The following ZRANB1 variants were observed in gnomAD, a reference collection of about 807,000 sequenced individuals.
ZRANB1 encodes the protein ubiquitin thioesterase ZRANB1.
In ZRANB1, 16 loss-of-function variants were observed where a neutral mutation model predicts 80.5. That is an observed-to-expected ratio of 0.20 (90% CI 0.13 to 0.30). The LOEUF is 0.30. Among genes scored for constraint, ZRANB1 ranks in the 10% least tolerant of loss-of-function variants. The pLI is 1.00. For synonymous variants in ZRANB1, 291 were observed against 293.1 expected (o/e 0.99, Z 0.07); for missense variants, 576 against 862.6 (o/e 0.67, Z 4.16).
At chr10:124,977,077 T>A (rs1375799482) in intron 5 of ZRANB1, among the ~76,000 whole-genome samples, 1 of 152,016 alleles carries the variant, frequency 6.6e-6, no homozygotes, top group Admixed American at 6.5e-5. Flanking sequence ...CAGGTGATCC[T>A]CCCACCTCAG....
At position 124,943,083 on chromosome 10, in the gene ZRANB1, A is replaced by C. The variant is rs773758031; in HGVS notation, c.590A>C (p.Glu197Ala). 1 of 1,614,218 alleles carries C rather than the reference A, an allele frequency of 6.2e-7. No individual in the cohort carries two copies. The highest frequency in any genetic ancestry group is 8.5e-7 in the Non-Finnish European group (1 of 1,180,038). The change falls in exon 1 of 9, where the codon GAG becomes GCG. Residue 197 changes from glutamate (E) to alanine (A), a missense_variant. By Grantham distance (107) the Glu-to-Ala change is moderately radical. Coordinates refer to ENST00000359653, the MANE Select transcript of ZRANB1 (RefSeq NM_017580.3). ...GAAGAGGCTTCTTCAATAATAAATG[A>C]GCAAGACAGAGCTCGATGGAGGGGA... ...ETEEASSIIN[E>A]QDRARWRGSC...
At chr10:124,966,061 A>G (rs180767307) in intron 1 of ZRANB1, among the ~76,000 whole-genome samples, 232 of 152,322 alleles carry the variant, frequency 1.5e-3, no homozygotes, top group Non-Finnish European at 2.5e-3. Context: ...AATGTTGCCA[A>G]CGTTTACTTA....
rs1029110515 is a variant in ZRANB1, at chr10:124,954,529, C to T, written c.814+11222C>T. Among the ~76,000 whole-genome samples the T allele has an allele frequency of 2.7e-5, 4 of 148,410 alleles. No individual in the cohort carries two copies. The South Asian group carries it at 6.4e-4, about 24-fold the overall frequency. On this transcript the variant is annotated intron_variant, in intron 1 of 8. Transcript: ENST00000359653. Reference sequence around the variant, plus strand: ...GTGGTGTAACCTCAGCTCACTGCAACCTCTACCTTCTGGGTTCACACAATC... The same window carrying T: ...GTGGTGTAACCTCAGCTCACTGCAATCTCTACCTTCTGGGTTCACACAATC...
chr10:124,983,163 T>C lies in ZRANB1; in HGVS notation c.1549-12T>C, dbSNP rs753452984. 24 of 1,597,892 alleles carry C rather than the reference T, an allele frequency of 1.5e-5. 2 individuals are homozygous for C. The highest frequency in any genetic ancestry group is 1.1e-4 in the Admixed American group (6 of 55,980). ...TAATAAATGTTTTAAGTTTTTGTTTTGTTTCGTACAGCCTGGAGCAAGCTT... is the reference window on the plus strand; with the variant it reads ...TAATAAATGTTTTAAGTTTTTGTTTCGTTTCGTACAGCCTGGAGCAAGCTT... On this transcript the variant is annotated splice_polypyrimidine_tract_variant and intron_variant, in intron 6 of 8. Transcript: ENST00000359653. The surrounding 1 kb of genome is among the most constrained non-coding windows in gnomAD (Gnocchi z 6.2).
Position 124,981,739 on chromosome 10 carries a change from A to C in ZRANB1, c.1458A>C (p.Ser486=), listed in dbSNP as rs748611185. 2 of 1,613,512 alleles carry C rather than the reference A, an allele frequency of 1.2e-6. No homozygotes were observed. The highest frequency in any genetic ancestry group is 2.7e-5 in the African/African-American group (2 of 74,898). Residue 486 remains serine (S), a synonymous_variant, in exon 6 of 9, where the codon TCA becomes TCC. Coordinates refer to ENST00000359653, the MANE Select transcript of ZRANB1 (RefSeq NM_017580.3). ...ACACACGCTGGAAAGATTGGGAATC[A>C]TGGTATTCTCAGAGCTTTGGTTTAC... ...WFYTRWKDWE[S]WYSQSFGLHF...
chr10:124,952,613 TC>T (rs1426237665), intron 1 of ZRANB1, among the ~76,000 whole-genome samples: 1 of 149,560 alleles, frequency 6.7e-6, no homozygotes, highest in Non-Finnish European at 1.5e-5. Context: ...ACAAATAATA[TC>T]TTTTTTTTTT....
rs199610087 is a variant in ZRANB1, at chr10:124,981,651, T to TA, written c.1428-55dup. The TA allele has an allele frequency of 1.5e-3, 2,226 of 1,442,192 alleles. 21 individuals carry two copies. In the African/African-American group the frequency reaches 0.02, roughly 13 times the overall value. 89.3% of individuals were successfully genotyped at this position (1,442,192 alleles called of 1,614,324 possible). On this transcript the variant is annotated intron_variant, in intron 5 of 8. Coordinates refer to ENST00000359653, the MANE Select transcript of ZRANB1 (RefSeq NM_017580.3). ...CATTAAATAAAAATGATCAGAACTT[T>TA]AAATGTTTTATTTATAGAAGACTAT...
intron 1 of ZRANB1, among the ~76,000 whole-genome samples, chr10:124,944,465 A>G (rs961012240): frequency 1.3e-4 from 19 of 150,238 alleles, no homozygotes; most frequent in African/African-American, 4.7e-4. Flanking sequence ...GAGTTTTAAA[A>G]TTAAATTATA....
chr10:124,926,567 T>A, the ZRANB1 span, among the ~76,000 whole-genome samples: 1 of 152,206 alleles, frequency 6.6e-6, no homozygotes, highest in Non-Finnish European at 1.5e-5. Context: ...TCATCTGTGA[T>A]AACAATGCCT....
the ZRANB1 span, among the ~76,000 whole-genome samples, chr10:124,919,778 AT>A: frequency 6.8e-6 from 1 of 148,016 alleles, no homozygotes. Flanking sequence ...CGCCCGGCTA[AT>A]TTTTTGTATT....
chr10:124,953,571 A>G (rs1262160447), intron 1 of ZRANB1, among the ~76,000 whole-genome samples: 1 of 152,136 alleles, frequency 6.6e-6, no homozygotes, highest in African/African-American at 2.4e-5. Flanking sequence ...ACAGCATTCC[A>G]TGGTTAGGTT....
the ZRANB1 span, among the ~76,000 whole-genome samples, chr10:124,919,712 C>T: frequency 2.0e-5 from 3 of 149,358 alleles, no homozygotes; most frequent in Admixed American, 2.0e-4. Flanking sequence ...TCCGTGTTCA[C>T]GCCATTCTCC....
intron 2 of ZRANB1, among the ~76,000 whole-genome samples, 181 bp from the exon 3 acceptor site, chr10:124,971,784 C>T (rs1389584799): frequency 6.6e-6 from 1 of 152,130 alleles, no homozygotes; most frequent in Admixed American, 6.6e-5. Flanking sequence ...ATTTTTGTGA[C>T]TGTTACTGAA....
intron 6 of ZRANB1, among the ~76,000 whole-genome samples, chr10:124,982,599 A>C (rs900243248): frequency 1.3e-5 from 2 of 152,022 alleles, no homozygotes; most frequent in African/African-American, 4.8e-5. Flanking sequence ...TTTTGCAGAA[A>C]GCACCATGGT....
chr10:124,922,307 ATATATATG>A, the ZRANB1 span, among the ~76,000 whole-genome samples: 2 of 103,492 alleles, frequency 1.9e-5, no homozygotes, highest in African/African-American at 3.3e-5. Flanking sequence ...TAAAATATAT[ATATATATG>A]TAAAATATAT....
At chr10:124,927,185 G>A in the ZRANB1 span, among the ~76,000 whole-genome samples, 1 of 152,166 alleles carries the variant, frequency 6.6e-6, no homozygotes, top group African/African-American at 2.4e-5. Flanking sequence ...TCGATCTCCT[G>A]ATCTCGTGAT....
At chr10:124,952,671 C>T (rs913844508) in intron 1 of ZRANB1, among the ~76,000 whole-genome samples, 4 of 151,778 alleles carry the variant, frequency 2.6e-5, no homozygotes, top group Admixed American at 6.6e-5. Flanking sequence ...AGTGTAATGG[C>T]GTGGTCTTGG....
intron 1 of ZRANB1, among the ~76,000 whole-genome samples, chr10:124,963,554 GTTTTTTTTTTTTTTTT>G (rs760813299): frequency 1.3e-3 from 76 of 57,540 alleles, no homozygotes; most frequent in African/African-American, 4.6e-3. Flanking sequence ...TTTTTTGTTT[GTTTTTTTTTTTTTTTT>G]TTTTTTTGGG....
intron 5 of ZRANB1, among the ~76,000 whole-genome samples, chr10:124,978,205 A>G (rs866865530): frequency 6.6e-6 from 1 of 152,342 alleles, no homozygotes; most frequent in Middle Eastern, 3.4e-3. Context: ...TGGGCCTGTC[A>G]TGTGACCAGT....
Sources: gnomAD v4.1 joint callset for allele counts (sites outside exome capture counted in the v4.1 genomes callset) on GRCh38, gnomAD v4.1.1 for gene constraint, Gnocchi (gnomAD v3.1) non-coding constraint, MANE v1.5 for transcripts, NCBI Gene and HGNC (gene_info 2026-07-23, HGNC 2026-07-21) for gene names.